Variants in UST observed in about 807,000 individuals in gnomAD.
UST encodes chondroitin sulfate 2-O-sulfotransferase.
In UST, 21 loss-of-function variants were observed where a neutral mutation model predicts 45.6. The ratio of observed to expected loss-of-function variants is 0.46; its 90% CI spans 0.33 to 0.66. The LOEUF is 0.66. Among genes scored for constraint, UST ranks in the 30% least tolerant of loss-of-function variants. The probability of loss-of-function intolerance (pLI) is 0.02; values close to 1 mark genes in which losing one functional copy is unlikely to be tolerated. For synonymous variants in UST, 215 were observed against 200.6 expected (o/e 1.07, Z -0.61); for missense variants, 463 against 512.4 (o/e 0.90, Z 0.93).
intron 7 of UST, among the ~76,000 whole-genome samples, chr6:149,047,354 G>T (rs1776410176): frequency 6.6e-6 from 1 of 152,180 alleles, no homozygotes; most frequent in African/African-American, 2.4e-5. Flanking sequence ...GAATGATGCT[G>T]CAATTATAGT....
At chr6:148,931,406 A>G (rs1441856350) in intron 2 of UST, among the ~76,000 whole-genome samples, 4 of 152,234 alleles carry the variant, frequency 2.6e-5, no homozygotes, top group African/African-American at 7.2e-5. Flanking sequence ...AAAATGTATT[A>G]CAGATCTGAA....
intron 1 of UST, among the ~76,000 whole-genome samples, chr6:148,773,716 G>A (rs1372901397): frequency 6.6e-6 from 1 of 152,180 alleles, no homozygotes; most frequent in Non-Finnish European, 1.5e-5. Flanking sequence ...CAAAAGGACA[G>A]TGTGAGGGAC....
intron 3 of UST, among the ~76,000 whole-genome samples, chr6:148,953,521 G>A (rs371075910): frequency 3.4e-4 from 52 of 152,256 alleles, no homozygotes; most frequent in African/African-American, 1.2e-3. Context: ...GGAGGCTCAC[G>A]CTTGTAATCC....
At chr6:148,839,213 A>G (rs1452324366) in intron 1 of UST, among the ~76,000 whole-genome samples, 1 of 152,222 alleles carries the variant, frequency 6.6e-6, no homozygotes, top group East Asian at 1.9e-4. Context: ...AGTGCCGTGT[A>G]TACAAACTGA....
At chr6:149,070,751 C>A (rs1326731204) in intron 7 of UST, among the ~76,000 whole-genome samples, 1 of 149,990 alleles carries the variant, frequency 6.7e-6, no homozygotes, top group Non-Finnish European at 1.5e-5. Context: ...TCCAGTTATG[C>A]TCTTTTAGTT....
intron 7 of UST, among the ~76,000 whole-genome samples, chr6:149,022,955 G>A (rs1351358891): frequency 6.6e-6 from 1 of 152,200 alleles, no homozygotes; most frequent in Non-Finnish European, 1.5e-5. Context: ...TTAATGTAAA[G>A]AGTTTGATGT....
rs1180896803 is a variant in UST at position 149,019,149 on chromosome 6, A to T, written c.692A>T (p.Glu231Val). 6 of 1,612,550 alleles carry T rather than the reference A, an allele frequency of 3.7e-6. No individual in the cohort carries two copies. The highest frequency in any genetic ancestry group is 1.3e-5 in the African/African-American group (1 of 74,870). The change falls in exon 6 of 8, where the codon GAG becomes GTG. Residue 231 changes from glutamate to valine, a missense_variant. Physicochemically the swap from Glu to Val is moderately radical, Grantham distance 121. Transcript: ENST00000367463. ...RQEERYLDIN[E>V]CILENYPECS... Reference sequence around the variant, plus strand: ...TATTTTCTCTTCTAGGATATCAATGAGTGTATTCTTGAAAACTATCCCGAG... The same window carrying T: ...TATTTTCTCTTCTAGGATATCAATGTGTGTATTCTTGAAAACTATCCCGAG...
chr6:148,866,997 T>C (rs1778448726), intron 1 of UST, among the ~76,000 whole-genome samples: 1 of 152,156 alleles, frequency 6.6e-6, no homozygotes, highest in Admixed American at 6.6e-5. Context: ...CTATGGCTTC[T>C]CTAGTAAAAC....
chr6:148,803,203 A>G (rs957897561), intron 1 of UST, among the ~76,000 whole-genome samples: 4 of 152,148 alleles, frequency 2.6e-5, no homozygotes, highest in African/African-American at 7.2e-5. Flanking sequence ...GAATCTCCCT[A>G]GAATCAAGAG....
chr6:149,005,564 G>A (rs1017223196), intron 5 of UST: 115 of 985,122 alleles, frequency 1.2e-4, no homozygotes, highest in African/African-American at 4.2e-4. Flanking sequence ...AGCTTTTACC[G>A]AATAAAATGA....
intron 4 of UST, among the ~76,000 whole-genome samples, chr6:148,959,849 G>GT (rs1245444997): frequency 6.6e-6 from 1 of 151,702 alleles, no homozygotes; most frequent in East Asian, 2.0e-4. Context: ...ATGGTGGGCG[G>GT]AGGGGAGTCT....
chr6:148,852,297 A>G (rs1778122172), intron 1 of UST, among the ~76,000 whole-genome samples: 1 of 152,204 alleles, frequency 6.6e-6, no homozygotes, highest in Admixed American at 6.5e-5. Context: ...ATTACACTGA[A>G]TCTATCCGAA....
intron 7 of UST, among the ~76,000 whole-genome samples, chr6:149,049,553 G>C (rs560135186): frequency 1.4e-4 from 22 of 152,158 alleles, no homozygotes; most frequent in African/African-American, 5.3e-4. Context: ...TTAAATTATG[G>C]GAAAAGCATG....
intron 5 of UST, among the ~76,000 whole-genome samples, chr6:149,010,913 A>AAAAAAACAAAAAAAAAAAAAC (rs1554234080): frequency 1.7e-4 from 16 of 92,968 alleles, no homozygotes; most frequent in Non-Finnish European, 1.8e-4. Flanking sequence ...AAAAAAAAAA[A>AAAAAAACAAAAAAAAAAAAAC]AAAAAACTGT....
At chr6:148,936,376 G>T (rs1780026679) in intron 2 of UST, among the ~76,000 whole-genome samples, 1 of 152,088 alleles carries the variant, frequency 6.6e-6, no homozygotes, top group Admixed American at 6.6e-5. Context: ...GGGAGTATGG[G>T]GGGCACACAG....
At chr6:148,881,027 T>TAAA (rs376159476) in intron 1 of UST, among the ~76,000 whole-genome samples, 1 of 136,976 alleles carries the variant, frequency 7.3e-6, no homozygotes. Context: ...AGACTCCGTC[T>TAAA]AAAAAAAAAA....
Position 148,747,198 on chromosome 6 carries a change from C to A in UST, c.-233C>A. On this transcript the variant is annotated 5_prime_UTR_variant, in exon 1 of 8. Coordinates refer to ENST00000367463, the MANE Select transcript of UST (RefSeq NM_005715.3). ...GCCGGACGGGCGCGGCGCCCCGTCACGGGCAGCGCCCCGAACCGGGGCCGG... is the reference window on the plus strand; with the variant it reads ...GCCGGACGGGCGCGGCGCCCCGTCAAGGGCAGCGCCCCGAACCGGGGCCGG... 1 of 290,858 alleles carries A rather than the reference C, an allele frequency of 3.4e-6. No individual in the cohort carries two copies. The highest frequency in any genetic ancestry group is 1.6e-4 in the South Asian group (1 of 6,346). The allele number at this position is 290,858 out of a possible 1,614,324, so 18.0% of individuals were successfully genotyped here. A position where few individuals can be genotyped will look rare whatever the true frequency, so the allele number is the denominator to read the frequency against.
chr6:148,841,410 T>C lies in UST; in HGVS notation c.248-45576T>C, dbSNP rs375992260. Among the ~76,000 whole-genome samples the C allele has an allele frequency of 5.3e-5, 8 of 152,308 alleles. No homozygotes were observed. The East Asian group carries it at 1.5e-3, about 29-fold the overall frequency. On this transcript the variant is annotated intron_variant, in intron 1 of 7. Transcript: ENST00000367463. ...TGCCTCAAGTTTCATCTGTGGGAAG[T>C]GCTATTCCATGTAACTAAGGAGACA... is the stretch of plus-strand genomic sequence containing the variant.
chr6:148,910,081 T>C (rs1779443183), intron 2 of UST, among the ~76,000 whole-genome samples: 1 of 151,144 alleles, frequency 6.6e-6, no homozygotes, highest in South Asian at 2.1e-4. Context: ...TAAATACACA[T>C]ACATTTCACA....
Sources: allele counts gnomAD v4.1 joint callset (sites outside exome capture counted in the v4.1 genomes callset), GRCh38; gene constraint gnomAD v4.1.1; transcripts MANE v1.5; gene names NCBI Gene and HGNC (gene_info 2026-07-23, HGNC 2026-07-21).